PKIB: variants seen among roughly 807,000 people sequenced by gnomAD.
PKIB encodes the protein PKI-beta.
PKIB carries 2 observed loss-of-function variants against 4.5 expected under a neutral mutation model. The observed-to-expected ratio is 0.44, with a 90% CI of 0.18 to 1.39. The LOEUF is 1.39. Ranked by LOEUF, PKIB falls within the 40% of genes most tolerant of loss-of-function variation. PKIB has a pLI of 0.27. For missense variants in PKIB, 94 were observed against 92.6 expected (o/e 1.02, Z -0.06); for synonymous variants, 38 against 36.0 (o/e 1.06, Z -0.20).
At chr6:122,699,948 T>C (rs1054104985) in intron 3 of PKIB, among the ~76,000 whole-genome samples, 1 of 152,144 alleles carries the variant, frequency 6.6e-6, no homozygotes, top group African/African-American at 2.4e-5. Context: ...TGTTTAAATT[T>C]AGGAAGATCC....
At chr6:122,575,661 G>A (rs560777175) in intron 2 of PKIB, among the ~76,000 whole-genome samples, 1 of 152,308 alleles carries the variant, frequency 6.6e-6, no homozygotes, top group East Asian at 1.9e-4. Context: ...GTGAAGTAAT[G>A]CTGGAATGGG....
chr6:122,704,828 T>C (rs1383192418), intron 3 of PKIB, among the ~76,000 whole-genome samples: 1 of 152,002 alleles, frequency 6.6e-6, no homozygotes, highest in Non-Finnish European at 1.5e-5. Flanking sequence ...GAAACCCCAG[T>C]ACTTTTGGAG....
At chr6:122,549,016 A>T (rs1045046543) in intron 2 of PKIB, among the ~76,000 whole-genome samples, 1 of 152,202 alleles carries the variant, frequency 6.6e-6, no homozygotes, top group African/African-American at 2.4e-5. Context: ...ACTTTCCTTG[A>T]CTACAACCCA....
chr6:122,537,003 G>A (rs1036160457), intron 2 of PKIB, among the ~76,000 whole-genome samples: 3 of 151,662 alleles, frequency 2.0e-5, no homozygotes, highest in South Asian at 2.1e-4. Context: ...CATAGAGGGG[G>A]CCATATAAGA....
chr6:122,518,185 G>A (rs1344164594), intron 2 of PKIB, among the ~76,000 whole-genome samples: 1 of 152,052 alleles, frequency 6.6e-6, no homozygotes, highest in African/African-American at 2.4e-5. Flanking sequence ...TCTTCTTTGA[G>A]CTTATTTGCC....
intron 1 of PKIB, among the ~76,000 whole-genome samples, chr6:122,613,290 C>T (rs1388198228): frequency 1.3e-5 from 2 of 152,116 alleles, no homozygotes; most frequent in Non-Finnish European, 2.9e-5. Flanking sequence ...ATTATTCTTT[C>T]CTCAACATCA....
chr6:122,546,135 T>C (rs1007722928), intron 2 of PKIB, among the ~76,000 whole-genome samples: 2 of 152,106 alleles, frequency 1.3e-5, no homozygotes, highest in African/African-American at 2.4e-5. Context: ...TCAGCTGTTT[T>C]AAGCTGCACA....
intron 4 of PKIB, among the ~76,000 whole-genome samples, chr6:122,719,136 T>C (rs1042543336): frequency 5.9e-5 from 9 of 152,124 alleles, no homozygotes; most frequent in Admixed American, 1.3e-4. Context: ...AGAAGGCAAT[T>C]ACTTGTTCGT....
At position 122,725,528 on chromosome 6, in the gene PKIB, A is replaced by G. The variant is rs191380403; in HGVS notation, c.*333A>G. The G allele has an allele frequency of 4.1e-4, 81 of 195,474 alleles. No individual in the cohort carries two copies. The East Asian group carries it at 8.9e-3, about 21-fold the overall frequency. The allele number at this position is 195,474 out of a possible 1,614,324, so 12.1% of individuals were successfully genotyped here. A position where few individuals can be genotyped will look rare whatever the true frequency, so the allele number is the denominator to read the frequency against. ...TTTAGCCTGATGTATTTTTAATTCA[A>G]TTTTTATGGTGATGGGCAAATCATT... On this transcript the variant is annotated 3_prime_UTR_variant, in exon 5 of 5. Transcript: ENST00000368452.
chr6:122,644,475 G>A (rs527331096), intron 2 of PKIB: 31 of 152,102 alleles, frequency 2.0e-4, no homozygotes, highest in Non-Finnish European at 4.0e-4. Flanking sequence ...TTTATTATTA[G>A]CTGTGTGACA....
chr6:122,653,473 G>A (rs1438325792), intron 2 of PKIB, among the ~76,000 whole-genome samples: 1 of 151,982 alleles, frequency 6.6e-6, no homozygotes, highest in African/African-American at 2.4e-5. Context: ...CCAATCTACA[G>A]CTGTGAGAGA....
chr6:122,679,500 G>C (rs143886706), intron 3 of PKIB, among the ~76,000 whole-genome samples: 1 of 152,236 alleles, frequency 6.6e-6, no homozygotes, highest in African/African-American at 2.4e-5. Flanking sequence ...TCAGTGAAGA[G>C]GACCATCTAA....
chr6:122,532,203 C>CT (rs1444951720), intron 2 of PKIB, among the ~76,000 whole-genome samples: 1 of 152,176 alleles, frequency 6.6e-6, no homozygotes, highest in Non-Finnish European at 1.5e-5. Context: ...AAAGTATCTA[C>CT]ATGCTTCCAC....
chr6:122,484,787 T>A (rs1173527529), intron 2 of PKIB, among the ~76,000 whole-genome samples: 3 of 152,222 alleles, frequency 2.0e-5, no homozygotes, highest in Admixed American at 6.5e-5. Context: ...TAAAGCAAAC[T>A]AAATATGGTC....
Position 122,590,089 on chromosome 6 carries a change from C to T in PKIB, c.-161+4082C>T, listed in dbSNP as rs9375152. ...TTTTAAATACACACTTTTGGGAAAACGGTAAAGTATTCAGAAATGCCAAAT... is the reference window on the plus strand; with the variant it reads ...TTTTAAATACACACTTTTGGGAAAATGGTAAAGTATTCAGAAATGCCAAAT... On this transcript the variant is annotated intron_variant, in intron 3 of 6. Transcript: ENST00000392491. Among the ~76,000 whole-genome samples the T allele has an allele frequency of 1.6e-4, 25 of 152,096 alleles. No homozygotes were observed. The East Asian group carries it at 3.5e-3, about 21-fold the overall frequency.
chr6:122,544,732 G>A (rs940946867), intron 2 of PKIB, among the ~76,000 whole-genome samples: 4 of 151,976 alleles, frequency 2.6e-5, no homozygotes, highest in Non-Finnish European at 5.9e-5. Context: ...GAAAATATTT[G>A]CAAACTATGT....
At chr6:122,514,395 A>C (rs1199168310) in intron 2 of PKIB, among the ~76,000 whole-genome samples, 1 of 152,196 alleles carries the variant, frequency 6.6e-6, no homozygotes, top group East Asian at 1.9e-4. Flanking sequence ...ATGGTGGTAC[A>C]TGCTTGAAAC....
At chr6:122,517,721 A>G (rs897474207) in intron 2 of PKIB, among the ~76,000 whole-genome samples, 3 of 152,212 alleles carry the variant, frequency 2.0e-5, no homozygotes, top group African/African-American at 7.2e-5. Context: ...AAAAGACATA[A>G]TTCTATTTAT....
chr6:122,711,056 A>G (rs1174263284), intron 3 of PKIB, among the ~76,000 whole-genome samples: 2 of 152,112 alleles, frequency 1.3e-5, no homozygotes, highest in East Asian at 1.9e-4. Context: ...ATGCTTTGCT[A>G]TGGTTATAAC....
Sources: gnomAD v4.1 joint callset for allele counts (sites outside exome capture counted in the v4.1 genomes callset) on GRCh38, gnomAD v4.1.1 for gene constraint, MANE v1.5 for transcripts, NCBI Gene and HGNC (gene_info 2026-07-23, HGNC 2026-07-21) for gene names.